The following XRCC5 variants were observed in gnomAD, a reference collection of about 807,000 sequenced individuals.
The protein encoded by XRCC5 is X-ray repair cross complementing 5, also known as DNA repair protein Ku80.
XRCC5 carries 12 observed loss-of-function variants against 95.7 expected under a neutral mutation model. The ratio of observed to expected loss-of-function variants is 0.13; its 90% CI spans 0.08 to 0.20. The LOEUF is 0.20. Ranked by LOEUF, XRCC5 falls within the 10% of genes least tolerant of loss-of-function variation. XRCC5 has a pLI of 1.00. For synonymous variants in XRCC5, 281 were observed against 290.3 expected (o/e 0.97, Z 0.33); for missense variants, 595 against 873.9 (o/e 0.68, Z 4.02).
At chr2:216,149,790 GCT>G (rs1467356490) in intron 14 of XRCC5, among the ~76,000 whole-genome samples, 3 of 152,046 alleles carry the variant, frequency 2.0e-5, no homozygotes, top group Non-Finnish European at 4.4e-5. Flanking sequence ...CACACCTTTG[GCT>G]CTGGTCCTGC....
chr2:216,170,037 CAAAAAAAAAAAAAAAAAA>C (rs71047982), intron 16 of XRCC5, among the ~76,000 whole-genome samples: 3,401 of 53,804 alleles, frequency 0.063, 216 homozygotes, highest in African/African-American at 0.17. Flanking sequence ...GACTGTGTCT[CAAAAAAAAAAAAAAAAAA>C]AAAAAAAAAA....
At position 216,196,377 on chromosome 2, in the gene XRCC5, C is replaced by T. The variant is rs73060322; in HGVS notation, c.2109+1391C>T. 2.1e-3 allele frequency among the ~76,000 whole-genome samples: 313 copies of T among 152,226 alleles called. 1 individual carries two copies. Among genetic ancestry groups the T allele is most frequent in the African/African-American group, 7.0e-3 (289 of 41,540 alleles). On this transcript the variant is annotated intron_variant, in intron 19 of 20. Transcript: ENST00000392132. ...ACTGAGCACCATAGGCTTGAGTATG[C>T]CATTTAACTGTTTGGTTTTGTTTCT... is the stretch of plus-strand genomic sequence containing the variant.
At chr2:216,119,232 T>G in intron 5 of XRCC5, 67 bp downstream of exon 5, 1 of 1,540,378 alleles carries the variant, frequency 6.5e-7, no homozygotes, top group South Asian at 1.1e-5. Flanking sequence ...ATGGGCCCTC[T>G]GTATAGAGTA....
intron 2 of XRCC5, 76 bp from the exon 3 acceptor site, chr2:216,116,583 C>T (rs1321112058): frequency 1.3e-6 from 2 of 1,563,796 alleles, no homozygotes; most frequent in Admixed American, 3.6e-5. Flanking sequence ...GGTTGTCCTG[C>T]TCCCTGAAGG....
At chr2:216,119,444 G>A (rs1696767405) in intron 5 of XRCC5, among the ~76,000 whole-genome samples, 1 of 152,126 alleles carries the variant, frequency 6.6e-6, no homozygotes, top group African/African-American at 2.4e-5. Flanking sequence ...AAAGAATTGA[G>A]GATTAGAAGA....
At chr2:216,121,073 T>TA (rs1399403852) in intron 5 of XRCC5, among the ~76,000 whole-genome samples, 1 of 152,186 alleles carries the variant, frequency 6.6e-6, no homozygotes, top group Non-Finnish European at 1.5e-5. Context: ...TGAGGAAGCT[T>TA]ATTTCTGATC....
intron 14 of XRCC5, among the ~76,000 whole-genome samples, chr2:216,148,657 GAGATT>G (rs1688682861): frequency 6.6e-6 from 1 of 152,166 alleles, no homozygotes; most frequent in African/African-American, 2.4e-5. Flanking sequence ...GGGTTGGGAG[GAGATT>G]AGATGTTGGG....
At chr2:216,141,540 CTT>C (rs71401137) in intron 13 of XRCC5, among the ~76,000 whole-genome samples, 1 of 65,006 alleles carries the variant, frequency 1.5e-5, no homozygotes. Context: ...TCTTTCTTTT[CTT>C]TTTTTTTTTT....
intron 8 of XRCC5, among the ~76,000 whole-genome samples, chr2:216,128,467 C>CT (rs747232764): frequency 3.9e-5 from 6 of 152,124 alleles, no homozygotes; most frequent in Non-Finnish European, 8.8e-5. Context: ...TGATTCCTTC[C>CT]TTTCTCCTGA....
intron 13 of XRCC5, among the ~76,000 whole-genome samples, chr2:216,143,657 T>C (rs1697206481): frequency 2.6e-5 from 4 of 152,112 alleles, no homozygotes; most frequent in Admixed American, 2.6e-4. Flanking sequence ...AACTTATTTA[T>C]TGAGTACTAA....
intron 1 of XRCC5, among the ~76,000 whole-genome samples, chr2:216,109,994 C>T (rs1222443385): frequency 1.3e-5 from 2 of 152,238 alleles, no homozygotes; most frequent in East Asian, 3.8e-4. Context: ...AAAGCCCACT[C>T]TGTGAGGGAC....
At chr2:216,190,426 C>A (rs1002877970) in intron 17 of XRCC5, 92 bp downstream of exon 17, 4 of 1,126,688 alleles carry the variant, frequency 3.6e-6, no homozygotes, top group Non-Finnish European at 2.6e-6. Flanking sequence ...GAGTCTGGGC[C>A]GTGGAAATTA....
chr2:216,198,799 C>G (rs1385325519), intron 19 of XRCC5, among the ~76,000 whole-genome samples: 1 of 152,126 alleles, frequency 6.6e-6, no homozygotes. Flanking sequence ...GTGGTCCGCC[C>G]ACCTTGGCTT....
At chr2:216,199,102 C>G (rs1689787800) in intron 19 of XRCC5, among the ~76,000 whole-genome samples, 1 of 152,220 alleles carries the variant, frequency 6.6e-6, no homozygotes, top group Non-Finnish European at 1.5e-5. Flanking sequence ...AATTTGGTCA[C>G]TTCCCAAATA....
intron 16 of XRCC5, among the ~76,000 whole-genome samples, chr2:216,187,521 T>TGTGTGTGTGTGTG (rs1559261059): frequency 2.2e-5 from 3 of 134,734 alleles, no homozygotes; most frequent in African/African-American, 5.8e-5. Context: ...TGTGTGTGTG[T>TGTGTGTGTGTGTG]TCTATCATAT....
In XRCC5 at chr2:216,157,359, G is replaced by A. The variant is rs561619667; in HGVS notation, c.1671-2709G>A. On this transcript the variant is annotated intron_variant, in intron 14 of 20. Coordinates refer to ENST00000392132, the MANE Select transcript of XRCC5 (RefSeq NM_021141.4). Reference sequence around the variant, plus strand: ...CGCCATTCTCCTGCCTCAGCCTTTCGAGTAGCTGGGACTACAGGTGCCCGC... The same window carrying A: ...CGCCATTCTCCTGCCTCAGCCTTTCAAGTAGCTGGGACTACAGGTGCCCGC... 7.2e-5 allele frequency among the ~76,000 whole-genome samples: 11 copies of A among 151,738 alleles called. No homozygotes were observed. In the East Asian group the frequency reaches 1.9e-3, roughly 27 times the overall value.
At chr2:216,110,609 C>T (rs1696569516) in intron 1 of XRCC5, 1 of 152,228 alleles carries the variant, frequency 6.6e-6, no homozygotes, top group African/African-American at 2.4e-5. Context: ...TTTCTTACTG[C>T]TGCCAGATAG....
intron 16 of XRCC5, among the ~76,000 whole-genome samples, chr2:216,173,480 A>G (rs920218181): frequency 6.6e-6 from 1 of 152,176 alleles, no homozygotes; most frequent in Admixed American, 6.5e-5. Flanking sequence ...GATGACTGTG[A>G]TTTTTATTCT....
At chr2:216,184,872 C>T (rs1559260230) in intron 16 of XRCC5, among the ~76,000 whole-genome samples, 1 of 152,210 alleles carries the variant, frequency 6.6e-6, no homozygotes, top group Non-Finnish European at 1.5e-5. Flanking sequence ...CCTTAGATCC[C>T]CTCCTCACCC....
Sources: allele counts gnomAD v4.1 joint callset (sites outside exome capture counted in the v4.1 genomes callset), GRCh38; gene constraint gnomAD v4.1.1; transcripts MANE v1.5; gene names NCBI Gene and HGNC (gene_info 2026-07-23, HGNC 2026-07-21).